SYT14: variants seen among roughly 807,000 people sequenced by gnomAD.
SYT14 encodes the protein synaptotagmin-14.
A neutral mutation model predicts 74.2 loss-of-function variants in SYT14; 32 were observed. The observed-to-expected ratio is 0.43, with a 90% CI of 0.33 to 0.58. SYT14 has a LOEUF of 0.58. SYT14 is among the 20% of genes least tolerant of loss of function. The pLI is 0.05. For missense variants in SYT14, 791 were observed against 981.8 expected, an observed-to-expected ratio of 0.81 and a Z score of 2.60; for synonymous variants, 298 against 337.7, an observed-to-expected ratio of 0.88 and a Z score of 1.29.
At chr1:210,027,142 G>A (rs1482559136) in intron 5 of SYT14, among the ~76,000 whole-genome samples, 1 of 152,010 alleles carries the variant, frequency 6.6e-6, no homozygotes, top group Non-Finnish European at 1.5e-5. Context: ...AATTTTATCT[G>A]TATTTATGCT....
intron 7 of SYT14, among the ~76,000 whole-genome samples, chr1:210,108,178 G>T (rs2082193763): frequency 6.6e-6 from 1 of 152,188 alleles, no homozygotes; most frequent in African/African-American, 2.4e-5. Context: ...ACACAAAGCA[G>T]TTCTGGAAGT....
intron 8 of SYT14, among the ~76,000 whole-genome samples, chr1:210,157,602 C>T (rs555877095): frequency 6.6e-6 from 1 of 151,904 alleles, no homozygotes; most frequent in East Asian, 1.9e-4. Flanking sequence ...ATTAACTGGG[C>T]ATGGTGGCGC....
chr1:210,138,433 A>C (rs1393042266), intron 7 of SYT14, among the ~76,000 whole-genome samples: 2 of 152,304 alleles, frequency 1.3e-5, no homozygotes, highest in East Asian at 3.9e-4. Flanking sequence ...GTGGGGACAC[A>C]GCCAAACCAT....
intron 7 of SYT14, among the ~76,000 whole-genome samples, chr1:210,151,508 C>CCG (rs2083160632): frequency 7.4e-6 from 1 of 134,952 alleles, no homozygotes; most frequent in Non-Finnish European, 1.5e-5. Context: ...GCGAATGCCC[C>CCG]CCCCCTTTTT....
chr1:209,960,273 A>G (rs991278112), intron 2 of SYT14, among the ~76,000 whole-genome samples: 11 of 152,174 alleles, frequency 7.2e-5, no homozygotes, highest in African/African-American at 1.9e-4. Context: ...TCCCAGTATG[A>G]ATGGCAGTCT....
exon 5 of SYT14, chr1:210,021,219 A>G (rs766291963): frequency 6.2e-7 from 1 of 1,614,054 alleles, no homozygotes; most frequent in Non-Finnish European, 8.5e-7. Context: ...TCGGCAGAGT[A>G]TGATGGATAC....
intron 4 of SYT14, among the ~76,000 whole-genome samples, chr1:210,019,844 A>G (rs1397743936): frequency 1.3e-5 from 2 of 152,228 alleles, no homozygotes; most frequent in Non-Finnish European, 2.9e-5. Context: ...AATAATTCTA[A>G]GAAAGTTACA....
chr1:210,047,743 A>G (rs1447843346), intron 5 of SYT14, among the ~76,000 whole-genome samples: 2 of 152,364 alleles, frequency 1.3e-5, no homozygotes, highest in East Asian at 1.9e-4. Context: ...TTCTGATTAA[A>G]TATCCTGAGA....
At chr1:210,163,919 G>C (rs2083424352) in exon 10 of SYT14, 1 of 453,350 alleles carries the variant, frequency 2.2e-6, no homozygotes, top group Non-Finnish European at 4.4e-6. Context: ...ACCTGAAAAA[G>C]ACAACCCACT....
At chr1:210,150,964 G>A (rs999199679) in intron 7 of SYT14, among the ~76,000 whole-genome samples, 3 of 152,028 alleles carry the variant, frequency 2.0e-5, no homozygotes, top group Admixed American at 6.6e-5. Context: ...AAATGTAATG[G>A]CCACCTTAAC....
rs35639848 is a variant in SYT14 at position 209,970,662 on chromosome 1, C to CTTTTTTTTTTTTTT, written c.-486+17932_-486+17945dup. Reference sequence around the variant, plus strand: ...TTACAGATTGCTTTGGGCAGTATGGCTTTTTTTTTTTTTTTTTTTTTTTTT... The same window carrying CTTTTTTTTTTTTTT: ...TTACAGATTGCTTTGGGCAGTATGGCTTTTTTTTTTTTTTTTTTTTTTTTTTTTTTTTTTTTTTT... On this transcript the variant is annotated intron_variant, in intron 2 of 9. Transcript: ENST00000637265. Among the ~76,000 whole-genome samples the CTTTTTTTTTTTTTT allele has an allele frequency of 2.7e-4, 17 of 62,806 alleles. 3 individuals carry two copies. Among genetic ancestry groups the CTTTTTTTTTTTTTT allele is most frequent in the East Asian group, 1.6e-3 (2 of 1,248 alleles). 41.2% of individuals were successfully genotyped at this position (62,806 alleles called of 152,430 possible).
intron 5 of SYT14, among the ~76,000 whole-genome samples, chr1:210,043,035 G>A (rs2080822896): frequency 6.6e-6 from 1 of 152,148 alleles, no homozygotes; most frequent in South Asian, 2.1e-4. Flanking sequence ...TCCTTGAGTA[G>A]TGGTTTGTAG....
intron 1 of SYT14, among the ~76,000 whole-genome samples, chr1:209,946,930 G>C (rs187962529): frequency 5.3e-5 from 8 of 152,254 alleles, no homozygotes; most frequent in Admixed American, 2.0e-4. Context: ...AAAATCCTTG[G>C]GTTCTTAAGG....
chr1:210,067,806 A>G (rs1385334019), intron 5 of SYT14, among the ~76,000 whole-genome samples: 1 of 151,904 alleles, frequency 6.6e-6, no homozygotes, highest in African/African-American at 2.4e-5. Context: ...TGTGAGATGT[A>G]AAGATTGAAA....
chr1:209,997,211 C>G (rs1165167466), intron 2 of SYT14, among the ~76,000 whole-genome samples: 1 of 151,862 alleles, frequency 6.6e-6, no homozygotes, highest in Admixed American at 6.6e-5. Context: ...TGATTCTACA[C>G]GTAGAAAATC....
At chr1:210,095,624 G>A (rs1340057890) in intron 6 of SYT14, among the ~76,000 whole-genome samples, 3 of 152,116 alleles carry the variant, frequency 2.0e-5, no homozygotes, top group Non-Finnish European at 2.9e-5. Context: ...ACTGAAATAT[G>A]TCCGTATTCT....
At chr1:210,110,064 C>T (rs2082233062) in intron 7 of SYT14, among the ~76,000 whole-genome samples, 1 of 151,948 alleles carries the variant, frequency 6.6e-6, no homozygotes, top group South Asian at 2.1e-4. Flanking sequence ...GGGAGTTGAA[C>T]AGTGAGAACA....
chr1:210,123,172 A>C, intron 7 of SYT14, among the ~76,000 whole-genome samples: 1 of 152,240 alleles, frequency 6.6e-6, no homozygotes, highest in East Asian at 1.9e-4. Flanking sequence ...ATAATTATTT[A>C]TTCTTCCTGT....
At chr1:210,127,593 C>A (rs1274821120) in intron 7 of SYT14, among the ~76,000 whole-genome samples, 2 of 152,212 alleles carry the variant, frequency 1.3e-5, no homozygotes, top group Non-Finnish European at 2.9e-5. Flanking sequence ...CTGTGACTTA[C>A]AACCAGGAAT....
Sources: gnomAD v4.1 joint callset for allele counts (sites outside exome capture counted in the v4.1 genomes callset) on GRCh38, gnomAD v4.1.1 for gene constraint, MANE v1.5 for transcripts, NCBI Gene and HGNC (gene_info 2026-07-23, HGNC 2026-07-21) for gene names.